SDCCAG8: variants seen among roughly 807,000 people sequenced by gnomAD.
SDCCAG8 encodes SHH signaling and ciliogenesis regulator SDCCAG8, also known as serologically defined colon cancer antigen 8.
A neutral mutation model predicts 101.8 loss-of-function variants in SDCCAG8; 74 were observed. The ratio of observed to expected loss-of-function variants is 0.73; its 90% CI spans 0.60 to 0.88. The LOEUF (loss-of-function observed/expected upper bound fraction) is 0.88, where lower values mean the gene tolerates loss of function less well. Among genes scored for constraint, SDCCAG8 ranks in the 40% least tolerant of loss-of-function variants. The pLI is 0.00. For missense variants in SDCCAG8, 787 were observed against 822.6 expected (o/e 0.96, Z 0.53); for synonymous variants, 281 against 292.9 (o/e 0.96, Z 0.41).
Position 243,256,185 on chromosome 1 carries a change from C to G in SDCCAG8, c.12C>G (p.Ser4=), listed in dbSNP as rs577033259. 3.1e-6 allele frequency: 5 copies of G among 1,614,176 alleles called. No homozygotes were observed. Among genetic ancestry groups the G allele is most frequent in the Admixed American group, 1.7e-5 (1 of 60,030 alleles). MAK[S]PENSTLEEIL... is the part of the protein sequence containing the mutation. ...CCTAGAGTGCGTGCATGGCGAAGTC[C>G]CCGGAGAACTCTACCCTGGAGGAGA... is the stretch of plus-strand genomic sequence containing the variant. The change falls in exon 1 of 18, where the codon TCC becomes TCG. Residue 4 remains serine, a synonymous_variant. Coordinates refer to ENST00000366541, the MANE Select transcript of SDCCAG8 (RefSeq NM_006642.5).
intron 3 of SDCCAG8, among the ~76,000 whole-genome samples, chr1:243,273,405 C>G (rs2068256974): frequency 1.3e-5 from 2 of 152,096 alleles, no homozygotes; most frequent in Non-Finnish European, 2.9e-5. Flanking sequence ...ATTTTACAAA[C>G]TATTTTAGGA....
intron 13 of SDCCAG8, among the ~76,000 whole-genome samples, chr1:243,381,542 T>C (rs2077956428): frequency 6.6e-6 from 1 of 151,954 alleles, no homozygotes; most frequent in Non-Finnish European, 1.5e-5. Context: ...TGAGCTGTGA[T>C]TGCGCCGCTA....
chr1:243,339,562 A>G (rs1025093854), intron 10 of SDCCAG8, among the ~76,000 whole-genome samples: 7 of 152,202 alleles, frequency 4.6e-5, no homozygotes, highest in African/African-American at 1.7e-4. Context: ...AGATTTGTAG[A>G]CAATCCTTTG....
At chr1:243,499,272 C>T (rs984362373) in intron 17 of SDCCAG8, among the ~76,000 whole-genome samples, 2 of 152,200 alleles carry the variant, frequency 1.3e-5, no homozygotes, top group Non-Finnish European at 2.9e-5. Flanking sequence ...TCATAGGTTA[C>T]AATAAATTGC....
intron 16 of SDCCAG8, among the ~76,000 whole-genome samples, chr1:243,438,266 C>G (rs537938025): frequency 6.6e-6 from 1 of 152,290 alleles, no homozygotes; most frequent in Non-Finnish European, 1.5e-5. Flanking sequence ...GGCTGGCACA[C>G]TAGCCCACAC....
At chr1:243,430,483 C>T (rs1024750245) in intron 16 of SDCCAG8, among the ~76,000 whole-genome samples, 5 of 151,974 alleles carry the variant, frequency 3.3e-5, no homozygotes, top group Admixed American at 6.5e-5. Context: ...CTCTCTCTGT[C>T]GCCCAGGCTG....
At position 243,492,492 on chromosome 1, in the gene SDCCAG8, C is replaced by T. The variant is rs1278067119; in HGVS notation, c.2112+3352C>T. ...AATTTTTTTGTATTTTTAATAGAAA[C>T]GGGGTTTCGCCATGTTGGCCAGGCT... is the stretch of plus-strand genomic sequence containing the variant. On this transcript the variant is annotated intron_variant, in intron 17 of 17. Coordinates refer to ENST00000366541, the MANE Select transcript of SDCCAG8 (RefSeq NM_006642.5). Among the ~76,000 whole-genome samples, 5 of 150,578 alleles carry T rather than the reference C, an allele frequency of 3.3e-5. No homozygotes were observed. The South Asian group carries it at 6.3e-4, about 19-fold the overall frequency.
chr1:243,348,130 G>A (rs543156165), intron 12 of SDCCAG8, among the ~76,000 whole-genome samples: 1,621 of 149,314 alleles, frequency 0.011, 28 homozygotes, highest in African/African-American at 0.038. Context: ...CCGCCTCCCG[G>A]GTTCATGCCA....
chr1:243,499,872 G>T lies in SDCCAG8; in HGVS notation c.*87G>T. 7.6e-7 allele frequency: 1 copy of T among 1,316,996 alleles called. No homozygotes were observed. 81.6% of individuals were successfully genotyped at this position (1,316,996 alleles called of 1,614,324 possible). A position where few individuals can be genotyped will look rare whatever the true frequency, so the allele number is the denominator to read the frequency against. ...GACTTAATATGCCACAACGCACCAC[G>T]ACCTTCCCAGGGTGACACCGCCTCA... On this transcript the variant is annotated 3_prime_UTR_variant, in exon 18 of 18. Transcript: ENST00000366541.
chr1:243,289,163 T>TC lies in SDCCAG8; in HGVS notation c.546+2767dup, dbSNP rs2069956493. Among the ~76,000 whole-genome samples, 3 of 152,074 alleles carry TC rather than the reference T, an allele frequency of 2.0e-5. No individual in the cohort carries two copies. In the East Asian group the frequency reaches 5.8e-4, roughly 29 times the overall value. ...AATCACAAGGTCCCACAACAGGCCA[T>TC]CTGCAAGCTGAGGAGCAAGGAAGCC... On this transcript the variant is annotated intron_variant, in intron 5 of 17. Coordinates refer to ENST00000366541, the MANE Select transcript of SDCCAG8 (RefSeq NM_006642.5).
intron 1 of SDCCAG8, chr1:243,267,844 G>A (rs2067753527): frequency 9.3e-7 from 1 of 1,073,774 alleles, no homozygotes; most frequent in Non-Finnish European, 1.5e-6. Context: ...CATGCAGACA[G>A]CCCATCATTG....
chr1:243,283,780 G>A (rs566765455), intron 4 of SDCCAG8, among the ~76,000 whole-genome samples: 2 of 152,014 alleles, frequency 1.3e-5, no homozygotes, highest in South Asian at 4.2e-4. Flanking sequence ...TCACTCTGTT[G>A]CCCAGGCTCA....
In SDCCAG8 at chr1:243,308,080, C is replaced by A. The variant is rs769004589; in HGVS notation, c.832C>A (p.Arg278Ser). 1 of 1,614,126 alleles carries A rather than the reference C, an allele frequency of 6.2e-7. No individual in the cohort carries two copies. The highest frequency in any genetic ancestry group is 1.1e-5 in the South Asian group (1 of 91,082). The change falls in exon 8 of 18, where the codon CGT (arginine) becomes AGT (serine). Residue 278 changes from arginine to serine, a missense_variant. Transcript: ENST00000366541. ...EFLLAANTCN[R>S]VGGLCLKCAQ... is the part of the protein sequence containing the mutation. ...TCTTCTGGCTGCTAATACTTGTAACCGTGTTGGTGGTCTTTGTTTGAAATG... is the reference window on the plus strand; with the variant it reads ...TCTTCTGGCTGCTAATACTTGTAACAGTGTTGGTGGTCTTTGTTTGAAATG...
chr1:243,427,142 G>C (rs1279482547), intron 16 of SDCCAG8, among the ~76,000 whole-genome samples: 1 of 152,108 alleles, frequency 6.6e-6, no homozygotes, highest in Non-Finnish European at 1.5e-5. Context: ...ATATGGCAAA[G>C]CACATGGCTC....
At chr1:243,263,560 T>C (rs1469671469) in intron 1 of SDCCAG8, among the ~76,000 whole-genome samples, 1 of 152,248 alleles carries the variant, frequency 6.6e-6, no homozygotes, top group Non-Finnish European at 1.5e-5. Context: ...TCTCCACTGA[T>C]GCCAAAGAAA....
chr1:243,439,444 TA>T (rs1319005645), intron 16 of SDCCAG8, among the ~76,000 whole-genome samples: 1 of 152,034 alleles, frequency 6.6e-6, no homozygotes, highest in East Asian at 1.9e-4. Context: ...GCCAACATGG[TA>T]AAACCCTGTC....
intron 6 of SDCCAG8, among the ~76,000 whole-genome samples, chr1:243,302,137 A>G (rs1188397581): frequency 1.3e-5 from 2 of 152,064 alleles, no homozygotes; most frequent in African/African-American, 4.8e-5. Context: ...AATCCCAGCT[A>G]CTCGGGAGGC....
chr1:243,482,255 T>C (rs1663891055), intron 16 of SDCCAG8, among the ~76,000 whole-genome samples: 1 of 152,230 alleles, frequency 6.6e-6, no homozygotes. Context: ...TCTTGAAGCC[T>C]TGCATATTTT....
intron 8 of SDCCAG8, among the ~76,000 whole-genome samples, chr1:243,315,549 G>T (rs1415166278): frequency 6.6e-6 from 1 of 152,132 alleles, no homozygotes; most frequent in Non-Finnish European, 1.5e-5. Context: ...TTATGAAACT[G>T]CTAATAATTG....
Sources: gnomAD v4.1 joint callset for allele counts (sites outside exome capture counted in the v4.1 genomes callset) on GRCh38, gnomAD v4.1.1 for gene constraint, MANE v1.5 for transcripts, NCBI Gene and HGNC (gene_info 2026-07-23, HGNC 2026-07-21) for gene names.